Variants in ZNF407 observed in about 807,000 individuals in gnomAD.
ZNF407 encodes zinc finger protein 407.
In ZNF407, 17 loss-of-function variants were observed where a neutral mutation model predicts 131.2. The observed-to-expected ratio is 0.13, with a 90% confidence interval of 0.09 to 0.19. The LOEUF (loss-of-function observed/expected upper bound fraction) is 0.19, where lower values mean the gene tolerates loss of function less well. Ranked by LOEUF, ZNF407 falls within the 10% of genes least tolerant of loss-of-function variation. The pLI, the probability that ZNF407 is intolerant of heterozygous loss-of-function variation, is 1.00. For synonymous variants in ZNF407, 1,156 were observed against 1,062.0 expected (o/e 1.09, Z -1.72); for missense variants, 2,681 against 2,830.6 (o/e 0.95, Z 1.20).
chr18:74,794,951 T>C (rs1969892520), intron 4 of ZNF407, among the ~76,000 whole-genome samples: 1 of 152,192 alleles, frequency 6.6e-6, no homozygotes, highest in Non-Finnish European at 1.5e-5. Context: ...AAAAAATAGA[T>C]AAGTGAATAT....
chr18:74,811,052 T>C (rs1271856970), intron 4 of ZNF407, among the ~76,000 whole-genome samples: 3 of 152,074 alleles, frequency 2.0e-5, no homozygotes, highest in East Asian at 1.9e-4. Context: ...AGAGCTTCTG[T>C]ACAGCAAAAG....
intron 8 of ZNF407, among the ~76,000 whole-genome samples, chr18:75,017,333 A>C (rs1973056230): frequency 6.6e-6 from 1 of 152,116 alleles, no homozygotes; most frequent in Non-Finnish European, 1.5e-5. Context: ...TCTCAGGTTA[A>C]TTGCTCAGTT....
At chr18:74,729,336 C>A (rs1568186329) in intron 3 of ZNF407, among the ~76,000 whole-genome samples, 1 of 152,170 alleles carries the variant, frequency 6.6e-6, no homozygotes, top group East Asian at 1.9e-4. Flanking sequence ...GTTACCTAGG[C>A]AACTTCTTCT....
chr18:74,803,912 G>C (rs1260900802), intron 4 of ZNF407: 12 of 1,536,662 alleles, frequency 7.8e-6, no homozygotes, highest in African/African-American at 1.4e-5. Context: ...GCTTTACAAC[G>C]TGCCTTGAAA....
chr18:75,038,251 G>A (rs1355123037), intron 8 of ZNF407, among the ~76,000 whole-genome samples: 1 of 152,160 alleles, frequency 6.6e-6, no homozygotes, highest in Non-Finnish European at 1.5e-5. Context: ...ATGTTCATTG[G>A]CCACATGTTA....
At chr18:74,657,413 G>T (rs2144723473) in intron 3 of ZNF407, among the ~76,000 whole-genome samples, 1 of 152,116 alleles carries the variant, frequency 6.6e-6, no homozygotes, top group South Asian at 2.1e-4. Context: ...GTCATTTTCT[G>T]TTTGTCCAGA....
At chr18:74,812,870 C>T (rs1425386793) in intron 4 of ZNF407, among the ~76,000 whole-genome samples, 1 of 152,108 alleles carries the variant, frequency 6.6e-6, no homozygotes, top group African/African-American at 2.4e-5. Context: ...TTTAAGCCAT[C>T]CAATGAATTC....
chr18:74,698,598 A>C (rs1435547836), intron 3 of ZNF407, among the ~76,000 whole-genome samples: 1 of 152,216 alleles, frequency 6.6e-6, no homozygotes, highest in Non-Finnish European at 1.5e-5. Context: ...TGCAGGGGAC[A>C]TTCATGGTGT....
At chr18:74,760,385 A>T (rs1201016843) in intron 3 of ZNF407, among the ~76,000 whole-genome samples, 1 of 152,146 alleles carries the variant, frequency 6.6e-6, no homozygotes, top group East Asian at 1.9e-4. Context: ...TCATTCACAC[A>T]GCCCTGTGCA....
chr18:74,660,070 G>C (rs1985646648), intron 3 of ZNF407, among the ~76,000 whole-genome samples: 2 of 152,058 alleles, frequency 1.3e-5, no homozygotes, highest in Admixed American at 1.3e-4. Flanking sequence ...ATGGAAATAT[G>C]ATTGCCAGAA....
intron 8 of ZNF407, among the ~76,000 whole-genome samples, chr18:75,026,047 T>C (rs780977132): frequency 3.9e-5 from 6 of 152,202 alleles, no homozygotes; most frequent in Non-Finnish European, 8.8e-5. Flanking sequence ...GCAGGCAGCT[T>C]GGGCAAAAAC....
chr18:74,933,735 T>C (rs1261124185), intron 8 of ZNF407, among the ~76,000 whole-genome samples: 2 of 152,122 alleles, frequency 1.3e-5, no homozygotes, highest in African/African-American at 4.8e-5. Context: ...GAAGAGTGAA[T>C]ACAAAAATTA....
intron 4 of ZNF407, among the ~76,000 whole-genome samples, chr18:74,815,047 AC>A (rs1970249304): frequency 6.6e-6 from 1 of 151,032 alleles, no homozygotes; most frequent in Non-Finnish European, 1.5e-5. Context: ...AAAGTTTATG[AC>A]CAGAAGTATA....
chr18:74,989,802 G>A (rs952474940), intron 8 of ZNF407, among the ~76,000 whole-genome samples: 2 of 149,232 alleles, frequency 1.3e-5, no homozygotes, highest in Non-Finnish European at 1.5e-5. Flanking sequence ...AAGATCCCAC[G>A]ACTGTACTCC....
intron 4 of ZNF407, among the ~76,000 whole-genome samples, chr18:74,820,796 A>G (rs772053774): frequency 2.1e-4 from 32 of 152,136 alleles, no homozygotes; most frequent in Non-Finnish European, 2.4e-4. Flanking sequence ...ACAGAAGTCT[A>G]TGATGGAAGA....
intron 8 of ZNF407, among the ~76,000 whole-genome samples, chr18:74,950,609 A>C (rs1238079060): frequency 2.6e-5 from 4 of 152,208 alleles, no homozygotes; most frequent in African/African-American, 7.2e-5. Flanking sequence ...CAGATACCTA[A>C]AAATCTTGTT....
At chr18:74,755,728 C>CCTTCCTTCCTTTCTTT (rs1555684064) in intron 3 of ZNF407, among the ~76,000 whole-genome samples, 4 of 63,478 alleles carry the variant, frequency 6.3e-5, no homozygotes, top group South Asian at 9.2e-4. Flanking sequence ...TTCTTTCTTT[C>CCTTCCTTCCTTTCTTT]CTTTCTTTCT....
chr18:74,769,565 G>C (rs1447324780), intron 3 of ZNF407, among the ~76,000 whole-genome samples: 1 of 152,108 alleles, frequency 6.6e-6, no homozygotes, highest in Non-Finnish European at 1.5e-5. Context: ...CCATTTTATA[G>C]TTTATCACTA....
chr18:74,787,133 A>T (rs1969734524), intron 4 of ZNF407, among the ~76,000 whole-genome samples: 1 of 152,128 alleles, frequency 6.6e-6, no homozygotes, highest in Non-Finnish European at 1.5e-5. Context: ...ATAGTGCGAT[A>T]GTCCTGCTAG....
Sources: allele counts gnomAD v4.1 joint callset (sites outside exome capture counted in the v4.1 genomes callset), GRCh38; gene constraint gnomAD v4.1.1; transcripts MANE v1.5; gene names NCBI Gene and HGNC (gene_info 2026-07-23, HGNC 2026-07-21).